Variants in LCORL observed in about 807,000 individuals in gnomAD.
The protein encoded by LCORL is ligand-dependent nuclear receptor corepressor-like protein.
LCORL carries 41 observed loss-of-function variants against 141.8 expected under a neutral mutation model. That is an observed-to-expected ratio of 0.29 (90% confidence interval 0.23 to 0.38). LCORL has a LOEUF of 0.38. Ranked by LOEUF, LCORL falls within the 10% of genes least tolerant of loss-of-function variation. LCORL has a pLI of 1.00. For synonymous variants in LCORL, 618 were observed against 694.1 expected, an observed-to-expected ratio of 0.89 and a Z score of 1.72; for missense variants, 1,759 against 2,035.0, an observed-to-expected ratio of 0.86 and a Z score of 2.61.
intron 4 of LCORL, among the ~76,000 whole-genome samples, chr4:17,916,279 T>C (rs1733394038): frequency 6.6e-6 from 1 of 152,228 alleles, no homozygotes; most frequent in Non-Finnish European, 1.5e-5. Context: ...CTGCAGCAAC[T>C]GATTAAAGCC....
At chr4:17,967,986 C>T (rs1485854634) in intron 2 of LCORL, among the ~76,000 whole-genome samples, 1 of 151,612 alleles carries the variant, frequency 6.6e-6, no homozygotes, top group African/African-American at 2.4e-5. Flanking sequence ...GCCTCCTGAG[C>T]AGCTGGGATT....
exon 8 of LCORL, chr4:17,843,438 A>G: frequency 1.2e-6 from 2 of 1,609,840 alleles, no homozygotes; most frequent in Non-Finnish European, 8.5e-7. Flanking sequence ...AAGACGATGG[A>G]GGTGGAATCC....
chr4:17,994,550 GATTA>G (rs753195654), intron 1 of LCORL, among the ~76,000 whole-genome samples: 20 of 152,148 alleles, frequency 1.3e-4, no homozygotes, highest in Non-Finnish European at 2.5e-4. Flanking sequence ...CTTTAGACTA[GATTA>G]ATTGTTACAT....
At chr4:17,976,245 C>A (rs1451576045) in intron 1 of LCORL, among the ~76,000 whole-genome samples, 1 of 152,000 alleles carries the variant, frequency 6.6e-6, no homozygotes, top group Non-Finnish European at 1.5e-5. Context: ...TGTTTTAGAC[C>A]ATTAAAATTG....
intron 5 of LCORL, among the ~76,000 whole-genome samples, chr4:17,898,652 GT>G (rs34770223): frequency 0.44 from 52,562 of 119,196 alleles, 9,279 homozygotes; most frequent in South Asian, 0.62. Flanking sequence ...CATTCTCACC[GT>G]TTTTTTTTTT....
chr4:18,010,015 A>G (rs1352140961), intron 1 of LCORL, among the ~76,000 whole-genome samples: 1 of 152,162 alleles, frequency 6.6e-6, no homozygotes, highest in Admixed American at 6.5e-5. Flanking sequence ...ACATTGAAGA[A>G]CAATTAATTA....
At chr4:17,919,268 C>T (rs999638458) in intron 4 of LCORL, among the ~76,000 whole-genome samples, 3 of 151,974 alleles carry the variant, frequency 2.0e-5, no homozygotes, top group African/African-American at 7.3e-5. Context: ...AAAATTTACC[C>T]CAAAGAGAGG....
intron 5 of LCORL, among the ~76,000 whole-genome samples, chr4:17,897,928 T>A (rs1379851936): frequency 6.6e-6 from 1 of 152,076 alleles, no homozygotes; most frequent in African/African-American, 2.4e-5. Flanking sequence ...TGCCACTGAG[T>A]TTTCGTTGCT....
intron 5 of LCORL, among the ~76,000 whole-genome samples, chr4:17,903,208 A>C (rs1031804393): frequency 2.6e-5 from 4 of 152,072 alleles, no homozygotes; most frequent in African/African-American, 9.7e-5. Flanking sequence ...GTGAAAAAAG[A>C]CAAGTTTCCT....
chr4:17,889,355 T>C (rs1728749733), intron 5 of LCORL, among the ~76,000 whole-genome samples: 1 of 152,094 alleles, frequency 6.6e-6, no homozygotes, highest in African/African-American at 2.4e-5. Context: ...AGTTTTATTC[T>C]AAAAGGATTT....
chr4:17,991,655 T>C (rs1171005142), intron 1 of LCORL, among the ~76,000 whole-genome samples: 3 of 152,188 alleles, frequency 2.0e-5, no homozygotes, highest in African/African-American at 7.2e-5. Context: ...CCTATGTCTT[T>C]TTAGAACACA....
At chr4:17,855,943 A>T (rs1724314262) in intron 7 of LCORL, among the ~76,000 whole-genome samples, 1 of 152,254 alleles carries the variant, frequency 6.6e-6, no homozygotes, top group Non-Finnish European at 1.5e-5. Context: ...CATGATGCTT[A>T]AAAAAGTACA....
chr4:17,972,822 T>A, exon 2 of LCORL: 1 of 1,420,404 alleles, frequency 7.0e-7, no homozygotes, highest in South Asian at 1.7e-5. Flanking sequence ...AAAATTACCT[T>A]CAAATAAACT....
chr4:18,005,419 T>C (rs1038911427), intron 1 of LCORL, among the ~76,000 whole-genome samples: 7 of 152,068 alleles, frequency 4.6e-5, no homozygotes, highest in African/African-American at 1.7e-4. Context: ...TGTCAGTGGA[T>C]CTACCATTCT....
At chr4:17,888,182 A>G (rs1560293185) in intron 5 of LCORL, among the ~76,000 whole-genome samples, 1 of 152,150 alleles carries the variant, frequency 6.6e-6, no homozygotes, top group Non-Finnish European at 1.5e-5. Context: ...TAAGTATTCA[A>G]TAAATGTTTG....
In LCORL at chr4:17,878,953, A is replaced by AT. The variant is rs1025899941; in HGVS notation, c.777-741dup. ...TATCGACCAATATAGAAGTCTACAC[A>AT]TTTTTTTTTAATCCAATACCAGCAG... is the stretch of plus-strand genomic sequence containing the variant. On this transcript the variant is annotated intron_variant, in intron 6 of 7. Coordinates refer to ENST00000635767, the Ensembl canonical transcript of LCORL. 1.4e-3 allele frequency among the ~76,000 whole-genome samples: 214 copies of AT among 150,332 alleles called. 1 individual carries two copies. The highest frequency in any genetic ancestry group is 5.0e-3 in the African/African-American group (207 of 41,236).
At position 17,873,788 on chromosome 4, in the gene LCORL, GAGCTT is replaced by G; in HGVS notation, c.5197_5201del (p.Lys1733GlnfsTer4). ...AAGTATTTCTGTGTTCAAGACAGTT[GAGCTT>G]CCTCAAAAATATTCTACAGTCTTTT... On this transcript the variant is annotated frameshift_variant, in exon 7 of 8. Coordinates refer to ENST00000635767, the Ensembl canonical transcript of LCORL. LOFTEE classifies it high-confidence loss of function. 8.1e-7 allele frequency: 1 copy of G among 1,234,018 alleles called. No individual in the cohort carries two copies. Among genetic ancestry groups the G allele is most frequent in the Non-Finnish European group, 1.0e-6 (1 of 987,912 alleles). 76.4% of individuals were successfully genotyped at this position (1,234,018 alleles called of 1,614,324 possible).
At chr4:17,925,651 C>T (rs1295602851) in intron 4 of LCORL, among the ~76,000 whole-genome samples, 1 of 152,018 alleles carries the variant, frequency 6.6e-6, no homozygotes, top group Non-Finnish European at 1.5e-5. Context: ...GCAGGCAGAT[C>T]ATGAGGTCAG....
At chr4:17,886,493 C>A (rs1030624301) in intron 5 of LCORL, among the ~76,000 whole-genome samples, 2 of 151,986 alleles carry the variant, frequency 1.3e-5, no homozygotes, top group African/African-American at 4.8e-5. Flanking sequence ...GTTTTCCATT[C>A]AAAGCTGCCC....
Sources: gnomAD v4.1 joint callset for allele counts (sites outside exome capture counted in the v4.1 genomes callset) on GRCh38, gnomAD v4.1.1 for gene constraint, MANE v1.5 for transcripts, NCBI Gene and HGNC (gene_info 2026-07-23, HGNC 2026-07-21) for gene names.